The following PCNT variants were observed in gnomAD, a reference collection of about 807,000 sequenced individuals.
PCNT encodes kendrin.
In PCNT, 319 loss-of-function variants were observed where a neutral mutation model predicts 380.4. The observed-to-expected ratio is 0.84, with a 90% CI of 0.77 to 0.92. PCNT has a LOEUF of 0.92. PCNT is among the 40% of genes least tolerant of loss of function. PCNT has a pLI of 0.00. For synonymous variants in PCNT, 1,845 were observed against 1,735.2 expected, an observed-to-expected ratio of 1.06 and a Z score of -1.57; for missense variants, 4,400 against 4,255.3, an observed-to-expected ratio of 1.03 and a Z score of -0.95.
intron 21 of PCNT, 109 bp from the exon 22 acceptor site, chr21:46,397,156 C>G (rs2086236940): frequency 2.3e-6 from 2 of 882,656 alleles, no homozygotes; most frequent in African/African-American, 1.6e-5. Flanking sequence ...ATTGAAGTGA[C>G]TTCATTTTCG....
chr21:46,387,831 C>T (rs2085891914), intron 17 of PCNT, among the ~76,000 whole-genome samples: 2 of 152,066 alleles, frequency 1.3e-5, no homozygotes, highest in African/African-American at 4.8e-5. Flanking sequence ...CGTGCCTGTC[C>T]TCAGCGGCGT....
chr21:46,338,123 C>A (rs2083809318), intron 3 of PCNT, among the ~76,000 whole-genome samples: 1 of 152,164 alleles, frequency 6.6e-6, no homozygotes, highest in African/African-American at 2.4e-5. Flanking sequence ...AAGTGATCCT[C>A]CTGCCTCGGC....
intron 6 of PCNT, chr21:46,348,115 C>T (rs1407327380): frequency 5.5e-6 from 1 of 180,362 alleles, no homozygotes; most frequent in Admixed American, 5.4e-5. Context: ...ACCTGCTCCT[C>T]TGACGCAGGC....
chr21:46,435,896 A>C lies in PCNT; in HGVS notation c.8752-8A>C. Reference sequence around the variant, plus strand: ...ACGTCTTCTCTGTCTTTTTTCTGTTAACAACAGCGAGAATTAGAACTGCAG... The same window carrying C: ...ACGTCTTCTCTGTCTTTTTTCTGTTCACAACAGCGAGAATTAGAACTGCAG... On this transcript the variant is annotated splice_polypyrimidine_tract_variant and splice_region_variant and intron_variant, in intron 38 of 46. Transcript: ENST00000359568. The C allele has an allele frequency of 6.2e-7, 1 of 1,614,030 alleles. No individual in the cohort carries two copies. The highest frequency in any genetic ancestry group is 8.5e-7 in the Non-Finnish European group (1 of 1,179,992).
chr21:46,388,616 G>A lies in PCNT; in HGVS notation c.3465-126G>A. ...ATGGGCATGAGGATCATGTCTTCCG[G>A]CCCCGTGGGGACAGGCAGCCGTGGG... On this transcript the variant is annotated intron_variant, in intron 17 of 46. Transcript: ENST00000359568. This position sits in a 1 kb window ranked among gnomAD's most constrained non-coding sequence, Gnocchi z 4.2. 4 of 1,203,006 alleles carry A rather than the reference G, an allele frequency of 3.3e-6. No homozygotes were observed. The highest frequency in any genetic ancestry group is 4.9e-6 in the Non-Finnish European group (4 of 822,812). The allele number at this position is 1,203,006 out of a possible 1,614,324, so 74.5% of individuals were successfully genotyped here. A position where few individuals can be genotyped will look rare whatever the true frequency, so the allele number is the denominator to read the frequency against.
intron 2 of PCNT, among the ~76,000 whole-genome samples, chr21:46,327,449 G>A (rs932273654): frequency 6.6e-6 from 1 of 151,798 alleles, no homozygotes; most frequent in Non-Finnish European, 1.5e-5. Flanking sequence ...TGCCCAGCCT[G>A]GAGTGCAGTG....
At chr21:46,381,205 T>C (rs1169129375) in intron 15 of PCNT, among the ~76,000 whole-genome samples, 1 of 26,766 alleles carries the variant, frequency 3.7e-5, no homozygotes. Flanking sequence ...TCTGTGTGTG[T>C]GTGTGTGTGT....
Position 46,373,743 on chromosome 21 carries a change from T to A in PCNT, c.3165+6604T>A, listed in dbSNP as rs1437888420. Among the ~76,000 whole-genome samples the A allele has an allele frequency of 4.5e-5, 6 of 131,948 alleles. No homozygotes were observed. The East Asian group carries it at 1.3e-3, about 29-fold the overall frequency. The allele number at this position is 131,948 out of a possible 152,430, so 86.6% of individuals were successfully genotyped here. A position where few individuals can be genotyped will look rare whatever the true frequency, so the allele number is the denominator to read the frequency against. ...CCCAGCCTTAGCTTTTTTTTTTTTT[T>A]TTTTTTGGGCGGAGTCTCGCTCTGT... On this transcript the variant is annotated intron_variant, in intron 15 of 46. Transcript: ENST00000359568.
rs78656506 is a variant in PCNT, at chr21:46,440,024, C to CT, written c.9274-58dup. On this transcript the variant is annotated intron_variant, in intron 41 of 46. Transcript: ENST00000359568. ...CCCTCACCTGCCCCCGGCTGCGTCTCTAAGATGCTCTTGTTGACGAGCAGC... is the reference window on the plus strand; with the variant it reads ...CCCTCACCTGCCCCCGGCTGCGTCTCTTAAGATGCTCTTGTTGACGAGCAGC... 0.22 allele frequency: 346,717 copies of CT among 1,610,498 alleles called. 39,735 individuals are homozygous for CT. The highest frequency in any genetic ancestry group is 0.43 in the East Asian group (19,480 of 44,794).
rs119479063 is a variant in PCNT at position 46,367,083 on chromosome 21, G to T, written c.3109G>T (p.Glu1037Ter). The change falls in exon 15 of 47, where the codon GAA (glutamate) becomes TAA (stop). Residue 1037 changes from glutamate to a stop codon, truncating the protein, a stop_gained. Coordinates refer to ENST00000359568, the MANE Select transcript of PCNT (RefSeq NM_006031.6). LOFTEE classifies it high-confidence loss of function. ...LQSVRDHLRT[E>*]VSTELAGTVA... ...GTCTGTGCGGGACCACCTGCGAACC[G>T]AAGTGAGCACAGAGCTCGCCGGAAC... The T allele has an allele frequency of 6.2e-7, 1 of 1,613,812 alleles. No homozygotes were observed. The highest frequency in any genetic ancestry group is 8.5e-7 in the Non-Finnish European group (1 of 1,180,006).
At chr21:46,332,125 A>C (rs1601751032) in intron 2 of PCNT, among the ~76,000 whole-genome samples, 1 of 152,336 alleles carries the variant, frequency 6.6e-6, no homozygotes, top group East Asian at 1.9e-4. Flanking sequence ...GCGCCATTGC[A>C]CTCCAGCCTG....
intron 2 of PCNT, 117 bp downstream of exon 2, chr21:46,326,706 T>C: frequency 8.8e-7 from 1 of 1,139,352 alleles, no homozygotes; most frequent in Non-Finnish European, 1.3e-6. Flanking sequence ...GGAAAGAGGG[T>C]GTTATTTTAG....
intron 31 of PCNT, among the ~76,000 whole-genome samples, chr21:46,421,306 T>C (rs1225257014): frequency 7.0e-6 from 1 of 142,506 alleles, no homozygotes; most frequent in African/African-American, 3.0e-5. Flanking sequence ...CTCATCCTCC[T>C]GTTTTGAAGT....
intron 15 of PCNT, among the ~76,000 whole-genome samples, chr21:46,370,527 G>A (rs79120556): frequency 0.034 from 5,244 of 152,138 alleles, 133 homozygotes; most frequent in Middle Eastern, 0.082. Context: ...GGGAAGCCAC[G>A]CTTAGCTGGA....
chr21:46,442,145 G>A (rs972487272), intron 43 of PCNT, among the ~76,000 whole-genome samples: 5 of 152,266 alleles, frequency 3.3e-5, no homozygotes, highest in South Asian at 4.1e-4. Context: ...AGGCGGGAGC[G>A]GCATGTGTTT....
chr21:46,371,872 C>G (rs11702709), intron 15 of PCNT, among the ~76,000 whole-genome samples: 5 of 146,508 alleles, frequency 3.4e-5, no homozygotes, highest in African/African-American at 1.2e-4. Context: ...TGTGTGCACA[C>G]ACACAGCACA....
chr21:46,333,303 G>C (rs1395038944), intron 2 of PCNT, among the ~76,000 whole-genome samples: 1 of 150,672 alleles, frequency 6.6e-6, no homozygotes, highest in Non-Finnish European at 1.5e-5. Flanking sequence ...ATGGTGGCAC[G>C]CGCCTGTAGT....
intron 21 of PCNT, among the ~76,000 whole-genome samples, chr21:46,393,548 G>C (rs1390625182): frequency 2.0e-5 from 3 of 152,134 alleles, no homozygotes; most frequent in African/African-American, 7.2e-5. Context: ...CACCCCGCCG[G>C]GGGAGACCAC....
chr21:46,432,251 A>G (rs1322319651), intron 38 of PCNT, 36 bp downstream of exon 38: 1 of 1,568,276 alleles, frequency 6.4e-7, no homozygotes, highest in South Asian at 1.1e-5. Context: ...TCCACACCTA[A>G]AAACGATAAG....
Sources: allele counts gnomAD v4.1 joint callset (sites outside exome capture counted in the v4.1 genomes callset), GRCh38; gene constraint gnomAD v4.1.1; non-coding constraint Gnocchi (gnomAD v3.1); transcripts MANE v1.5; gene names NCBI Gene and HGNC (gene_info 2026-07-23, HGNC 2026-07-21).